EYA4: variants seen among roughly 807,000 people sequenced by gnomAD.
EYA4 encodes protein phosphatase EYA4.
EYA4 carries 31 observed loss-of-function variants against 87.9 expected under a neutral mutation model. The ratio of observed to expected loss-of-function variants is 0.35; its 90% confidence interval spans 0.27 to 0.48. EYA4 has a LOEUF of 0.48. Ranked by LOEUF, EYA4 falls within the 20% of genes least tolerant of loss-of-function variation. EYA4 has a pLI of 0.99. For synonymous variants in EYA4, 263 were observed against 270.6 expected (o/e 0.97, Z 0.28); for missense variants, 678 against 761.4 (o/e 0.89, Z 1.29).
Position 133,268,111 on chromosome 6 carries a change from T to C in EYA4, c.-65-6605T>C, listed in dbSNP as rs117015800. On this transcript the variant is annotated intron_variant, in intron 1 of 19. Coordinates refer to ENST00000355286, the MANE Select transcript of EYA4 (RefSeq NM_004100.5). ...GTAACTGAAAGTGAACGCTTTTCCA[T>C]ATATTAGTTTATTATTTACATTTTC... Among the ~76,000 whole-genome samples the C allele has an allele frequency of 9.3e-3, 1,414 of 152,296 alleles. 12 individuals are homozygous for C. The highest frequency in any genetic ancestry group is 0.014 in the Non-Finnish European group (927 of 68,006).
chr6:133,252,942 AAC>A (rs3836960), intron 1 of EYA4, among the ~76,000 whole-genome samples: 15,755 of 138,400 alleles, frequency 0.11, 766 homozygotes, highest in African/African-American at 0.12. Flanking sequence ...GGTACTTGAA[AAC>A]ACACACACAC....
intron 13 of EYA4, among the ~76,000 whole-genome samples, chr6:133,498,382 G>A (rs1797815303): frequency 6.6e-6 from 1 of 152,136 alleles, no homozygotes; most frequent in South Asian, 2.1e-4. Context: ...AATAATAAAA[G>A]TAGTAATTTG....
chr6:133,285,431 T>A (rs529056085), intron 2 of EYA4, among the ~76,000 whole-genome samples: 11 of 152,248 alleles, frequency 7.2e-5, no homozygotes, highest in Admixed American at 3.9e-4. Context: ...ATAGAAAGGA[T>A]GTCAGCGTTG....
intron 16 of EYA4, among the ~76,000 whole-genome samples, chr6:133,514,986 G>A (rs1799461844): frequency 6.6e-6 from 1 of 152,154 alleles, no homozygotes; most frequent in South Asian, 2.1e-4. Context: ...AAATATCACA[G>A]TCCCTTGGAA....
At chr6:133,306,846 T>A (rs1779847811) in intron 2 of EYA4, among the ~76,000 whole-genome samples, 1 of 152,006 alleles carries the variant, frequency 6.6e-6, no homozygotes, top group Admixed American at 6.6e-5. Flanking sequence ...GTAAGAACTT[T>A]AAAAAAAATA....
intron 3 of EYA4, among the ~76,000 whole-genome samples, chr6:133,396,879 G>T (rs1787850181): frequency 6.6e-6 from 1 of 152,112 alleles, no homozygotes. Flanking sequence ...CTCAGTAGCA[G>T]TTCCAGTCAC....
At chr6:133,418,355 G>T (rs1159995980) in intron 3 of EYA4, among the ~76,000 whole-genome samples, 1 of 152,088 alleles carries the variant, frequency 6.6e-6, no homozygotes, top group Non-Finnish European at 1.5e-5. Flanking sequence ...GCTTTGTTAG[G>T]CATAGGCTAG....
intron 1 of EYA4, among the ~76,000 whole-genome samples, chr6:133,255,406 A>G (rs893356117): frequency 9.9e-5 from 15 of 152,228 alleles, no homozygotes; most frequent in African/African-American, 3.6e-4. Flanking sequence ...GTTGCTGGTC[A>G]TGTGAAAGTG....
intron 3 of EYA4, among the ~76,000 whole-genome samples, chr6:133,420,420 A>G (rs212787): frequency 0.38 from 57,290 of 152,138 alleles, 14,035 homozygotes; most frequent in Non-Finnish European, 0.54. Flanking sequence ...CGTCTCAAAC[A>G]TACATTATTC....
intron 2 of EYA4, among the ~76,000 whole-genome samples, chr6:133,334,354 T>C (rs936002523): frequency 2.6e-5 from 4 of 152,272 alleles, no homozygotes; most frequent in African/African-American, 9.6e-5. Flanking sequence ...ACTAGTGTTT[T>C]GGAACCAGAG....
intron 11 of EYA4, among the ~76,000 whole-genome samples, chr6:133,476,966 G>A (rs767002203): frequency 1.6e-4 from 24 of 152,012 alleles, no homozygotes; most frequent in Non-Finnish European, 1.5e-4. Context: ...TGCTGTTCTC[G>A]TGATAGTGAG....
chr6:133,331,029 T>A (rs1318964690), intron 2 of EYA4, among the ~76,000 whole-genome samples: 2 of 143,658 alleles, frequency 1.4e-5, no homozygotes, highest in African/African-American at 2.6e-5. Flanking sequence ...CCAAACGGGT[T>A]TTTTTTTTTT....
At chr6:133,367,928 A>G (rs1784978267) in intron 2 of EYA4, among the ~76,000 whole-genome samples, 1 of 152,204 alleles carries the variant, frequency 6.6e-6, no homozygotes, top group African/African-American at 2.4e-5. Context: ...TCATATTCAA[A>G]AATAAATACT....
intron 2 of EYA4, among the ~76,000 whole-genome samples, chr6:133,291,554 A>G (rs1206168258): frequency 6.6e-6 from 1 of 152,226 alleles, no homozygotes; most frequent in Non-Finnish European, 1.5e-5. Context: ...AATGAAAAAT[A>G]TGGAGTAGAT....
intron 2 of EYA4, among the ~76,000 whole-genome samples, chr6:133,370,331 T>C (rs529411781): frequency 6.6e-6 from 1 of 152,340 alleles, no homozygotes; most frequent in South Asian, 2.1e-4. Context: ...TATTATTATG[T>C]TCCATGGGCA....
intron 3 of EYA4, among the ~76,000 whole-genome samples, chr6:133,411,800 T>A (rs535631282): frequency 6.6e-6 from 1 of 152,366 alleles, no homozygotes. Context: ...TTGAATATAT[T>A]TGTGCATAAA....
intron 2 of EYA4, among the ~76,000 whole-genome samples, chr6:133,316,955 C>T (rs945343998): frequency 7.2e-5 from 11 of 152,120 alleles, no homozygotes; most frequent in African/African-American, 1.9e-4. Flanking sequence ...AGCCTTCCTT[C>T]GGCCTGCATA....
intron 3 of EYA4, among the ~76,000 whole-genome samples, chr6:133,424,517 C>G (rs536184615): frequency 5.3e-5 from 8 of 152,276 alleles, no homozygotes; most frequent in African/African-American, 9.6e-5. Context: ...ACACCCCCCC[C>G]CCAGCCTATA....
intron 2 of EYA4, among the ~76,000 whole-genome samples, chr6:133,308,460 T>G (rs1932747): frequency 0.81 from 123,346 of 152,054 alleles, 50,193 homozygotes; most frequent in South Asian, 0.86. Flanking sequence ...GTTTGATGCT[T>G]AGGTTTGGGG....
Sources: gnomAD v4.1 joint callset for allele counts (sites outside exome capture counted in the v4.1 genomes callset) on GRCh38, gnomAD v4.1.1 for gene constraint, MANE v1.5 for transcripts, NCBI Gene and HGNC (gene_info 2026-07-23, HGNC 2026-07-21) for gene names.